The following IGF2R variants were observed in gnomAD, a reference collection of about 807,000 sequenced individuals.
IGF2R encodes insulin like growth factor 2 receptor.
IGF2R carries 91 observed loss-of-function variants against 270.6 expected under a neutral mutation model. The ratio of observed to expected loss-of-function variants is 0.34; its 90% confidence interval spans 0.28 to 0.40. IGF2R has a LOEUF of 0.40. Ranked by LOEUF, IGF2R falls within the 10% of genes least tolerant of loss-of-function variation. The pLI, the probability that IGF2R is intolerant of heterozygous loss-of-function variation, is 1.00. For missense variants in IGF2R, 2,805 were observed against 3,188.3 expected, an observed-to-expected ratio of 0.88 and a Z score of 2.90; for synonymous variants, 1,316 against 1,258.9, an observed-to-expected ratio of 1.05 and a Z score of -0.96.
chr6:159,987,580 C>T (rs1424490161), intron 1 of IGF2R, among the ~76,000 whole-genome samples: 5 of 151,986 alleles, frequency 3.3e-5, no homozygotes, highest in African/African-American at 4.8e-5. Flanking sequence ...TTAGTAGAGA[C>T]GGAGTTTCAC....
At position 160,073,259 on chromosome 6, in the gene IGF2R, G is replaced by C. The variant is rs1409547711; in HGVS notation, c.4737G>C (p.Lys1579Asn). The C allele has an allele frequency of 1.2e-6, 2 of 1,614,272 alleles. No homozygotes were observed. Among genetic ancestry groups the C allele is most frequent in the South Asian group, 1.1e-5 (1 of 91,088 alleles). The change falls in exon 34 of 48, where the codon AAG (lysine) becomes AAC (asparagine). Residue 1579 changes from lysine to asparagine, a missense_variant. Around this residue, in one of 2 missense-constraint regions of IGF2R, gnomAD observed 1,851 missense variants for 2,207.2 expected, o/e 0.84. Coordinates refer to ENST00000356956, the MANE Select transcript of IGF2R (RefSeq NM_000876.4). ...QTRISVGKAN[K>N]RLRYVDQVLQ... ...GGATTAGCGTGGGCAAGGCCAACAA[G>C]AGGCTGAGATACGTGGACCAGGTCC...
intron 2 of IGF2R, among the ~76,000 whole-genome samples, chr6:160,003,017 G>C (rs1784153511): frequency 6.6e-6 from 1 of 152,176 alleles, no homozygotes; most frequent in South Asian, 2.1e-4. Context: ...GTTAATTGAG[G>C]TTACCTCTGG....
chr6:160,091,956 C>T (rs1779236942), intron 44 of IGF2R, among the ~76,000 whole-genome samples: 1 of 152,230 alleles, frequency 6.6e-6, no homozygotes, highest in South Asian at 2.1e-4. Flanking sequence ...CAAAGTCACC[C>T]TGTAACCTGG....
intron 1 of IGF2R, among the ~76,000 whole-genome samples, chr6:159,985,297 G>A (rs771743934): frequency 1.3e-5 from 2 of 152,212 alleles, no homozygotes; most frequent in Admixed American, 6.5e-5. Context: ...AAATGAAGCC[G>A]TTTACCTAAT....
chr6:159,982,635 T>C lies in IGF2R; in HGVS notation c.150-8549T>C, dbSNP rs146623154. On this transcript the variant is annotated intron_variant, in intron 1 of 47. Coordinates refer to ENST00000356956, the MANE Select transcript of IGF2R (RefSeq NM_000876.4). ...TACTGATCCCATCCTGCCTTTATCTTGCTTTATTAATTGCAGGCCAGTAGT... is the reference window on the plus strand; with the variant it reads ...TACTGATCCCATCCTGCCTTTATCTCGCTTTATTAATTGCAGGCCAGTAGT... Among the ~76,000 whole-genome samples the C allele has an allele frequency of 3.0e-3, 452 of 152,352 alleles. 7 individuals are homozygous for C. Among genetic ancestry groups the C allele is most frequent in the Non-Finnish European group, 1.2e-3 (79 of 68,032 alleles).
rs5741634 is a variant in IGF2R, at chr6:159,986,430, GTTTTTT to G, written c.150-4743_150-4738del. Among the ~76,000 whole-genome samples, 1,020 of 116,874 alleles carry G rather than the reference GTTTTTT, an allele frequency of 8.7e-3. 16 individuals are homozygous for G. Among genetic ancestry groups the G allele is most frequent in the African/African-American group, 0.03 (963 of 31,964 alleles). The allele number at this position is 116,874 out of a possible 152,430, so 76.7% of individuals were successfully genotyped here. ...TGTGTGTGTGTGTGTGTGTGTGTGT[GTTTTTT>G]TTTTTTTTTTAAGTAGATTCAGGGT... On this transcript the variant is annotated intron_variant, in intron 1 of 47. Coordinates refer to ENST00000356956, the MANE Select transcript of IGF2R (RefSeq NM_000876.4).
chr6:159,969,255 C>G lies in IGF2R; in HGVS notation c.9C>G (p.Ala3=). Residue 3 remains alanine, a synonymous_variant, in exon 1 of 48, where the codon GCC becomes GCG. Transcript: ENST00000356956. ...AGTCCGGGCCCGGCGCGATGGGGGC[C>G]GCCGCCGGCCGGAGCCCCCACCTGG... The part of the protein sequence containing the change: MG[A]AAGRSPHLGP... The G allele has an allele frequency of 9.4e-7, 1 of 1,059,574 alleles. No homozygotes were observed. 65.6% of individuals were successfully genotyped at this position (1,059,574 alleles called of 1,614,324 possible). A position where few individuals can be genotyped will look rare whatever the true frequency, so the allele number is the denominator to read the frequency against.
intron 11 of IGF2R, among the ~76,000 whole-genome samples, chr6:160,041,224 A>G (rs552239570): frequency 3.4e-4 from 51 of 151,882 alleles, no homozygotes; most frequent in African/African-American, 1.2e-3. Context: ...AATAATAAGA[A>G]TGGGAGTCTC....
chr6:159,983,201 C>G (rs1783832186), intron 1 of IGF2R, among the ~76,000 whole-genome samples: 1 of 152,110 alleles, frequency 6.6e-6, no homozygotes, highest in Non-Finnish European at 1.5e-5. Context: ...CATTGCAGCC[C>G]CTCGATTGGT....
rs1208288080 is a variant in IGF2R, at chr6:160,063,594, G to A, written c.3850G>A (p.Glu1284Lys). 3 of 1,614,106 alleles carry A rather than the reference G, an allele frequency of 1.9e-6. No individual in the cohort carries two copies. The highest frequency in any genetic ancestry group is 1.3e-5 in the African/African-American group (1 of 74,948). The stretch of plus-strand genomic sequence containing the variant: ...GTCCAAGGTGGTCTCCTCATGTCAG[G>A]AAAAGCGGGAACCGCAGGGATTTCA... ...DKSKVVSSCQ[E>K]KREPQGFHKV... The change falls in exon 27 of 48, where the codon GAA (glutamate) becomes AAA (lysine). Residue 1284 changes from glutamate to lysine, a missense_variant. By Grantham distance (56) the Glu-to-Lys change is moderately conservative (BLOSUM62 1). Coordinates refer to ENST00000356956, the MANE Select transcript of IGF2R (RefSeq NM_000876.4).
intron 19 of IGF2R, among the ~76,000 whole-genome samples, chr6:160,052,529 A>G (rs1778221957): frequency 1.3e-5 from 2 of 152,230 alleles, no homozygotes; most frequent in South Asian, 2.1e-4. Flanking sequence ...TGTAGATTCA[A>G]TACCATCCCC....
At chr6:160,034,120 G>A (rs554565710) in intron 9 of IGF2R, among the ~76,000 whole-genome samples, 4 of 152,330 alleles carry the variant, frequency 2.6e-5, no homozygotes, top group African/African-American at 4.8e-5. Context: ...ATTCTTGGGC[G>A]TTATTTATTT....
chr6:160,071,981 C>T lies in IGF2R; in HGVS notation c.4515C>T (p.Ala1505=). 1.2e-6 allele frequency: 2 copies of T among 1,614,232 alleles called. No individual in the cohort carries two copies. The highest frequency in any genetic ancestry group is 1.3e-5 in the African/African-American group (1 of 75,066). Residue 1505 remains alanine, a synonymous_variant, in exon 32 of 48, where the codon GCC becomes GCT. Coordinates refer to ENST00000356956, the MANE Select transcript of IGF2R (RefSeq NM_000876.4). ...CCTTTGCCTGGCCCACAGCCACAGC[C>T]TGTCCCATGAAGAGCAACGAGCATG... ...EYTFAWPTAT[A]CPMKSNEHDD...
intron 44 of IGF2R, among the ~76,000 whole-genome samples, chr6:160,090,789 A>G (rs1779203552): frequency 6.6e-6 from 1 of 152,274 alleles, no homozygotes; most frequent in Non-Finnish European, 1.5e-5. Context: ...GCTGCCGATC[A>G]TGTCCTCTGG....
chr6:160,038,068 G>A (rs1777865571), intron 10 of IGF2R, among the ~76,000 whole-genome samples: 1 of 152,294 alleles, frequency 6.6e-6, no homozygotes, highest in East Asian at 1.9e-4. Context: ...AGAAATGGGT[G>A]CTGCTGCCTC....
At chr6:160,058,713 A>G (rs1372484547) in intron 21 of IGF2R, among the ~76,000 whole-genome samples, 193 bp from the exon 22 acceptor site, 4 of 152,246 alleles carry the variant, frequency 2.6e-5, no homozygotes, top group African/African-American at 9.6e-5. Flanking sequence ...TAAACCTTAA[A>G]GGCAGTTTAT....
intron 46 of IGF2R, 46 bp from the exon 47 acceptor site, chr6:160,103,700 T>C: frequency 7.0e-7 from 1 of 1,424,770 alleles, no homozygotes; most frequent in Non-Finnish European, 9.9e-7. Flanking sequence ...CTCCTGCCCA[T>C]GCCCTCTCTA....
At chr6:160,070,738 C>T (rs1223752306) in intron 31 of IGF2R, among the ~76,000 whole-genome samples, 6 of 152,176 alleles carry the variant, frequency 3.9e-5, no homozygotes, top group Non-Finnish European at 7.3e-5. Context: ...GGCATTAACT[C>T]GGGCAAGACC....
At chr6:160,053,034 T>A (rs1366018290) in intron 19 of IGF2R, among the ~76,000 whole-genome samples, 1 of 152,196 alleles carries the variant, frequency 6.6e-6, no homozygotes, top group Non-Finnish European at 1.5e-5. Flanking sequence ...AAGGACTTCA[T>A]GACTAAAACA....
Sources: gnomAD v4.1 joint callset for allele counts (sites outside exome capture counted in the v4.1 genomes callset) on GRCh38, gnomAD v4.1.1 for gene constraint, gnomAD v4.1.1 regional missense constraint, MANE v1.5 for transcripts, NCBI Gene and HGNC (gene_info 2026-07-23, HGNC 2026-07-21) for gene names.